KPNA5: variants seen among roughly 807,000 people sequenced by gnomAD.
KPNA5 encodes importin subunit alpha-6.
A neutral mutation model predicts 71.3 loss-of-function variants in KPNA5; 46 were observed. The observed-to-expected ratio is 0.65, with a 90% CI of 0.51 to 0.83. The LOEUF (loss-of-function observed/expected upper bound fraction) is 0.83. Ranked by LOEUF, KPNA5 falls within the 40% of genes least tolerant of loss-of-function variation. The pLI is 0.00. For missense variants in KPNA5, 547 were observed against 628.3 expected (o/e 0.87, Z 1.38); for synonymous variants, 207 against 201.4 (o/e 1.03, Z -0.24).
chr6:116,713,329 G>A (rs370046787), intron 7 of KPNA5, among the ~76,000 whole-genome samples: 1 of 152,240 alleles, frequency 6.6e-6, no homozygotes, highest in East Asian at 1.9e-4. Flanking sequence ...TGGAAGGATT[G>A]TTTTGCTGGA....
rs1459556662 is a variant in KPNA5 at position 116,733,937 on chromosome 6, T to C, written c.*1614T>C. The C allele has an allele frequency of 6.6e-6, 1 of 151,794 alleles. No homozygotes were observed. Among genetic ancestry groups the C allele is most frequent in the Non-Finnish European group, 1.5e-5 (1 of 67,758 alleles). 9.4% of individuals were successfully genotyped at this position (151,794 alleles called of 1,614,324 possible). On this transcript the variant is annotated 3_prime_UTR_variant, in exon 14 of 14. Transcript: ENST00000368564. Reference sequence around the variant, plus strand: ...TCATGAAACTAAGCTTTTGACAAGATACTTAAAACCTACAGCTGTAAAATA... The same window carrying C: ...TCATGAAACTAAGCTTTTGACAAGACACTTAAAACCTACAGCTGTAAAATA...
Position 116,735,198 on chromosome 6 carries a change from A to G in KPNA5, c.*2875A>G, listed in dbSNP as rs917813962. ...TAAATTCTGCTGGCACAGAACTAAC[A>G]TATCATTTGGTAACTGTAAAACCTA... On this transcript the variant is annotated 3_prime_UTR_variant, in exon 14 of 14. Transcript: ENST00000368564. The G allele has an allele frequency of 1.3e-5, 2 of 151,810 alleles. No individual in the cohort carries two copies. Among genetic ancestry groups the G allele is most frequent in the South Asian group, 2.1e-4 (1 of 4,836 alleles). The allele number at this position is 151,810 out of a possible 1,614,324, so 9.4% of individuals were successfully genotyped here.
chr6:116,721,841 AT>A (rs1214683857), intron 8 of KPNA5, among the ~76,000 whole-genome samples: 1 of 152,132 alleles, frequency 6.6e-6, no homozygotes, highest in Non-Finnish European at 1.5e-5. Flanking sequence ...CAGTTTTGGT[AT>A]GCTTTTTTTG....
intron 4 of KPNA5, among the ~76,000 whole-genome samples, chr6:116,695,054 G>A (rs1777970173): frequency 6.6e-6 from 1 of 151,928 alleles, no homozygotes; most frequent in Non-Finnish European, 1.5e-5. Context: ...AGGCTCAGGT[G>A]ATTCTCCTAC....
Position 116,702,561 on chromosome 6 carries a change from CAAG to C in KPNA5, c.567+415_567+417del, listed in dbSNP as rs974442850. ...AGCCAGGCGTGGTGCCACAGCTCCT[CAAG>C]AAGCTGAGGCACAAGAATTCCTTGA... On this transcript the variant is annotated intron_variant, in intron 6 of 13. Coordinates refer to ENST00000368564, the MANE Select transcript of KPNA5 (RefSeq NM_001366306.2). Among the ~76,000 whole-genome samples, 11 of 152,120 alleles carry C rather than the reference CAAG, an allele frequency of 7.2e-5. No individual in the cohort carries two copies. In the South Asian group the frequency reaches 1.9e-3, roughly 26 times the overall value.
chr6:116,694,213 A>G (rs1015874788), intron 4 of KPNA5, among the ~76,000 whole-genome samples: 26 of 152,090 alleles, frequency 1.7e-4, no homozygotes, highest in Admixed American at 2.6e-4. Flanking sequence ...TTATCTTGGC[A>G]ATGCGGGCTC....
At chr6:116,702,850 TAATG>T (rs1044786167) in intron 6 of KPNA5, among the ~76,000 whole-genome samples, 3 of 152,238 alleles carry the variant, frequency 2.0e-5, no homozygotes, top group Non-Finnish European at 2.9e-5. Context: ...TTAATAAACT[TAATG>T]AATAAAGTTT....
chr6:116,705,541 A>AT (rs1778408020), intron 7 of KPNA5, among the ~76,000 whole-genome samples: 1 of 152,198 alleles, frequency 6.6e-6, no homozygotes, highest in Admixed American at 6.5e-5. Context: ...AAGAACCAAG[A>AT]TTTTAAGATA....
intron 1 of KPNA5, among the ~76,000 whole-genome samples, chr6:116,683,118 G>A (rs1470652936): frequency 6.6e-6 from 1 of 152,212 alleles, no homozygotes; most frequent in Non-Finnish European, 1.5e-5. Flanking sequence ...GGCACAAGGT[G>A]ATCCAGTCAG....
chr6:116,724,053 T>C (rs1779209766), intron 9 of KPNA5, among the ~76,000 whole-genome samples: 1 of 152,114 alleles, frequency 6.6e-6, no homozygotes, highest in African/African-American at 2.4e-5. Flanking sequence ...CTTATGATCT[T>C]CAAAAATGGC....
intron 2 of KPNA5, among the ~76,000 whole-genome samples, chr6:116,689,958 T>C (rs552428880): frequency 6.6e-6 from 1 of 152,362 alleles, no homozygotes; most frequent in Admixed American, 6.5e-5. Context: ...CATTTTTTAT[T>C]CCAAGATGTA....
chr6:116,696,162 C>T, intron 4 of KPNA5, among the ~76,000 whole-genome samples: 1 of 152,102 alleles, frequency 6.6e-6, no homozygotes, highest in East Asian at 1.9e-4. Context: ...TTAAACTGTA[C>T]TATCTTTCAC....
intron 7 of KPNA5, among the ~76,000 whole-genome samples, chr6:116,714,391 T>C (rs1257614367): frequency 6.6e-6 from 1 of 152,242 alleles, no homozygotes; most frequent in Non-Finnish European, 1.5e-5. Flanking sequence ...TCCAGGTTTT[T>C]ACAGATTGGC....
At chr6:116,724,931 T>C (rs1358962688) in intron 10 of KPNA5, among the ~76,000 whole-genome samples, 1 of 152,206 alleles carries the variant, frequency 6.6e-6, no homozygotes, top group African/African-American at 2.4e-5. Flanking sequence ...TTCTTGAAGA[T>C]AGAAACTTAA....
chr6:116,705,232 G>A, intron 7 of KPNA5, 72 bp downstream of exon 7: 1 of 1,152,860 alleles, frequency 8.7e-7, no homozygotes, highest in Non-Finnish European at 1.2e-6. Flanking sequence ...ACATAATTAA[G>A]TTCTTCAGTC....
intron 9 of KPNA5, among the ~76,000 whole-genome samples, chr6:116,722,684 G>A (rs1037091543): frequency 6.6e-6 from 1 of 152,092 alleles, no homozygotes; most frequent in Non-Finnish European, 1.5e-5. Context: ...TTGAGTAAAA[G>A]TCCATGTAGT....
chr6:116,690,123 T>C (rs932512128), intron 2 of KPNA5, among the ~76,000 whole-genome samples: 4 of 152,232 alleles, frequency 2.6e-5, no homozygotes, highest in Non-Finnish European at 5.9e-5. Flanking sequence ...TAAGTAGAGA[T>C]GGGGTCCTGC....
At chr6:116,681,537 C>T in intron 1 of KPNA5, 199 bp downstream of exon 1, 26 of 1,343,712 alleles carry the variant, frequency 1.9e-5, no homozygotes, top group Non-Finnish European at 2.5e-5. Context: ...CTTTCCCTTG[C>T]GGACGCGAAG....
intron 1 of KPNA5, among the ~76,000 whole-genome samples, chr6:116,686,462 A>T (rs1254997093): frequency 6.6e-6 from 1 of 152,158 alleles, no homozygotes; most frequent in African/African-American, 2.4e-5. Flanking sequence ...CCTTTATCAG[A>T]TGCATAGTTT....
Sources: gnomAD v4.1 joint callset for allele counts (sites outside exome capture counted in the v4.1 genomes callset) on GRCh38, gnomAD v4.1.1 for gene constraint, MANE v1.5 for transcripts, NCBI Gene and HGNC (gene_info 2026-07-23, HGNC 2026-07-21) for gene names.